The following AGO2 variants were observed in gnomAD, a reference collection of about 807,000 sequenced individuals.
AGO2 encodes the protein protein argonaute-2.
Under a neutral mutation model 102.3 loss-of-function variants are expected in AGO2, and 5 were observed. The ratio of observed to expected loss-of-function variants is 0.05; its 90% CI spans 0.03 to 0.10. The LOEUF (loss-of-function observed/expected upper bound fraction) is 0.10, where lower values mean the gene tolerates loss of function less well. Ranked by LOEUF, AGO2 falls within the 10% of genes least tolerant of loss-of-function variation. The pLI is 1.00. For missense variants in AGO2, 541 were observed against 1,183.7 expected, an observed-to-expected ratio of 0.46 and a Z score of 7.97; for synonymous variants, 449 against 473.1, an observed-to-expected ratio of 0.95 and a Z score of 0.66.
Position 140,551,452 on chromosome 8 carries a change from G to A in AGO2, c.1270-16C>T, listed in dbSNP as rs780535141. The A allele has an allele frequency of 3.3e-6, 5 of 1,520,290 alleles. No individual in the cohort carries two copies. In the Admixed American group the frequency reaches 6.1e-5, roughly 18 times the overall value. 94.2% of individuals were successfully genotyped at this position (1,520,290 alleles called of 1,614,324 possible). A position where few individuals can be genotyped will look rare whatever the true frequency, so the allele number is the denominator to read the frequency against. ...TAGCTTTATTCTGCAAATGGCAAAA[G>A]GTTCAGGGTGAGAAAAAAATGGAAA... On this transcript the variant is annotated splice_polypyrimidine_tract_variant and intron_variant, in intron 10 of 18. Transcript: ENST00000220592.
chr8:140,640,733 C>A, the AGO2 span, among the ~76,000 whole-genome samples: 36 of 152,134 alleles, frequency 2.4e-4, no homozygotes, highest in East Asian at 1.4e-3. Context: ...ATTGGCCAGG[C>A]TGGTCTCGAA....
intron 1 of AGO2, among the ~76,000 whole-genome samples, chr8:140,588,811 A>C (rs2073703182): frequency 6.6e-6 from 1 of 152,064 alleles, no homozygotes. Flanking sequence ...TTAAGGCCAT[A>C]CCCATTCCTT....
At chr8:140,601,099 G>A (rs369070012) in intron 1 of AGO2, among the ~76,000 whole-genome samples, 4 of 151,672 alleles carry the variant, frequency 2.6e-5, no homozygotes, top group East Asian at 1.9e-4. Context: ...GGGCGACTGG[G>A]TCATCCCTCC....
Position 140,557,195 on chromosome 8 carries a change from G to A in AGO2, c.920C>T (p.Thr307Met). 1 of 1,613,986 alleles carries A rather than the reference G, an allele frequency of 6.2e-7. No individual in the cohort carries two copies. Among genetic ancestry groups the A allele is most frequent in the Non-Finnish European group, 8.5e-7 (1 of 1,179,952 alleles). ...CCTGTCCTTGAAATACTGGGCCACC[G>A]TGCACTCCACCGTCTGCCCGCTCTC... ...QQESGQTVEC[T>M]VAQYFKDRHK... The change falls in exon 8 of 19, where the codon ACG becomes ATG. Residue 307 changes from threonine (T) to methionine (M), a missense_variant. Thr to Met is a moderately conservative substitution (Grantham distance 81, BLOSUM62 -1). Transcript: ENST00000220592. This position sits in a 1 kb window ranked among gnomAD's most constrained non-coding sequence, Gnocchi z 5.9.
intron 17 of AGO2, among the ~76,000 whole-genome samples, chr8:140,534,524 A>G (rs2072661006): frequency 6.6e-6 from 1 of 152,210 alleles, no homozygotes; most frequent in Non-Finnish European, 1.5e-5. Context: ...ACAACCCTTC[A>G]AACAGCAAAA....
intron 1 of AGO2, among the ~76,000 whole-genome samples, chr8:140,587,360 T>C (rs1345411922): frequency 6.6e-6 from 1 of 152,246 alleles, no homozygotes; most frequent in African/African-American, 2.4e-5. Context: ...AATATAAAAT[T>C]ACAAGTTAAA....
rs2072511283 is a variant in AGO2, at chr8:140,526,621, A to C, written c.*5423T>G. The C allele has an allele frequency of 6.6e-6, 1 of 152,240 alleles. No individual in the cohort carries two copies. Among genetic ancestry groups the C allele is most frequent in the African/African-American group, 2.4e-5 (1 of 41,466 alleles). 9.4% of individuals were successfully genotyped at this position (152,240 alleles called of 1,614,324 possible). A position where few individuals can be genotyped will look rare whatever the true frequency, so the allele number is the denominator to read the frequency against. ...ACAGCTACACTTAAGAGCAAACATG[A>C]TGAATCTATTGAGAATTCAGAGGTA... On this transcript the variant is annotated 3_prime_UTR_variant, in exon 19 of 19. Transcript: ENST00000220592. This position sits in a 1 kb window ranked among gnomAD's most constrained non-coding sequence, Gnocchi z 5.2.
At chr8:140,592,818 T>C (rs2073763185) in intron 1 of AGO2, 1 of 152,314 alleles carries the variant, frequency 6.6e-6, no homozygotes, top group Admixed American at 6.5e-5. Context: ...GAAGCCAACA[T>C]TTCTCCAGCA....
At chr8:140,613,135 G>A (rs902000953) in intron 1 of AGO2, among the ~76,000 whole-genome samples, 3 of 152,096 alleles carry the variant, frequency 2.0e-5, no homozygotes, top group Non-Finnish European at 4.4e-5. Context: ...GGGAGGCGGA[G>A]CTTGCAGTGA....
At chr8:140,595,955 T>TAA (rs2073834947) in intron 1 of AGO2, among the ~76,000 whole-genome samples, 1 of 128,024 alleles carries the variant, frequency 7.8e-6, no homozygotes, top group South Asian at 2.2e-4. Flanking sequence ...ATTTTATATA[T>TAA]AATATATATA....
In AGO2 at chr8:140,589,506, C is replaced by T. The variant is rs1043485957; in HGVS notation, c.23-4195G>A. Among the ~76,000 whole-genome samples, 15 of 152,104 alleles carry T rather than the reference C, an allele frequency of 9.9e-5. No homozygotes were observed. Among genetic ancestry groups the T allele is most frequent in the African/African-American group, 3.6e-4 (15 of 41,402 alleles). ...GCACCCATGAATCAGGGGATGTAAACGGTTAAACATCTGCCACCCAAATGA... is the reference window on the plus strand; with the variant it reads ...GCACCCATGAATCAGGGGATGTAAATGGTTAAACATCTGCCACCCAAATGA... On this transcript the variant is annotated intron_variant, in intron 1 of 18. Transcript: ENST00000220592. This position sits in a 1 kb window ranked among gnomAD's most constrained non-coding sequence, Gnocchi z 4.2.
chr8:140,582,190 G>A (rs532938847), intron 2 of AGO2, among the ~76,000 whole-genome samples: 23 of 152,206 alleles, frequency 1.5e-4, no homozygotes, highest in African/African-American at 4.8e-4. Context: ...TTATTTAATC[G>A]GATTTCAAGC....
At chr8:140,569,785 C>G (rs568105627) in intron 3 of AGO2, among the ~76,000 whole-genome samples, 1 of 152,308 alleles carries the variant, frequency 6.6e-6, no homozygotes, top group East Asian at 1.9e-4. Flanking sequence ...GAACTCGTCT[C>G]TCTTTCCACA....
At chr8:140,625,479 C>T (rs1385343860) in intron 1 of AGO2, among the ~76,000 whole-genome samples, 1 of 152,290 alleles carries the variant, frequency 6.6e-6, no homozygotes, top group East Asian at 1.9e-4. Flanking sequence ...AGCCCCTGAC[C>T]CTGCTCAACC....
At chr8:140,597,505 C>T (rs985777129) in intron 1 of AGO2, among the ~76,000 whole-genome samples, 38 of 103,462 alleles carry the variant, frequency 3.7e-4, no homozygotes, top group Middle Eastern at 6.4e-3. Flanking sequence ...GCCTCCCTGC[C>T]TGAGTGAGGG....
rs180846811 is a variant in AGO2, at chr8:140,550,977, G to A, written c.1403+326C>T. On this transcript the variant is annotated intron_variant, in intron 11 of 18. Transcript: ENST00000220592. ...CAAATTATTATTTTTTAAAATAACT[G>A]TAGTTCATTGAATCCAATTCTCTCT... Among the ~76,000 whole-genome samples the A allele has an allele frequency of 5.8e-4, 88 of 152,294 alleles. No individual in the cohort carries two copies. The East Asian group carries it at 6.0e-3, about 10-fold the overall frequency.
chr8:140,536,888 C>T (rs1343008093), intron 16 of AGO2, among the ~76,000 whole-genome samples: 1 of 152,164 alleles, frequency 6.6e-6, no homozygotes, highest in Non-Finnish European at 1.5e-5. Flanking sequence ...CTCTTATTCC[C>T]ATCCTTCCTA....
intron 1 of AGO2, among the ~76,000 whole-genome samples, chr8:140,595,267 G>T (rs1026689903): frequency 4.6e-5 from 7 of 152,036 alleles, no homozygotes; most frequent in Non-Finnish European, 8.8e-5. Flanking sequence ...CTTGTAAGTG[G>T]GAAAAAGCTT....
intron 3 of AGO2, among the ~76,000 whole-genome samples, chr8:140,566,245 T>A (rs1040860477): frequency 2.0e-5 from 3 of 152,182 alleles, no homozygotes; most frequent in African/African-American, 4.8e-5. Context: ...TTATCAGTGG[T>A]TTCTGCTTTT....
Sources: allele counts gnomAD v4.1 joint callset (sites outside exome capture counted in the v4.1 genomes callset), GRCh38; gene constraint gnomAD v4.1.1; non-coding constraint Gnocchi (gnomAD v3.1); transcripts MANE v1.5; gene names NCBI Gene and HGNC (gene_info 2026-07-23, HGNC 2026-07-21).